Variants in ABCC1 observed in about 807,000 individuals in gnomAD.
The protein encoded by ABCC1 is multidrug resistance-associated protein 1.
A neutral mutation model predicts 172.9 loss-of-function variants in ABCC1; 83 were observed. That is an observed-to-expected ratio of 0.48 (90% CI 0.40 to 0.58). The LOEUF (loss-of-function observed/expected upper bound fraction) is 0.58. ABCC1 is among the 20% of genes least tolerant of loss of function. The pLI, the probability that ABCC1 is intolerant of heterozygous loss-of-function variation, is 0.00. For synonymous variants in ABCC1, 937 were observed against 825.2 expected (o/e 1.14, Z -2.32); for missense variants, 1,817 against 2,002.7 (o/e 0.91, Z 1.77).
chr16:16,105,968 T>A (rs1165428397), intron 20 of ABCC1, among the ~76,000 whole-genome samples: 1 of 151,200 alleles, frequency 6.6e-6, no homozygotes, highest in Non-Finnish European at 1.5e-5. Flanking sequence ...TTTCTGCCTC[T>A]GGGATTCAAG....
chr16:15,960,248 T>C (rs1209397608), intron 1 of ABCC1, among the ~76,000 whole-genome samples: 3 of 151,412 alleles, frequency 2.0e-5, no homozygotes, highest in Non-Finnish European at 4.4e-5. Flanking sequence ...ACCCGGCTAA[T>C]TTTTGTATTT....
chr16:16,122,531 C>T (rs1339366032), intron 24 of ABCC1, among the ~76,000 whole-genome samples: 1 of 152,010 alleles, frequency 6.6e-6, no homozygotes, highest in Non-Finnish European at 1.5e-5. Flanking sequence ...ATCATGCACC[C>T]CTGGGTGATG....
At chr16:16,026,197 C>T (rs919193454) in intron 5 of ABCC1, among the ~76,000 whole-genome samples, 3 of 151,778 alleles carry the variant, frequency 2.0e-5, no homozygotes, top group Non-Finnish European at 4.4e-5. Context: ...TTTGGGAGGC[C>T]GAGGTGGGTG....
At chr16:16,010,051 TTTTTTTTTTA>T in intron 3 of ABCC1, 150 bp downstream of exon 3, 6 of 652,070 alleles carry the variant, frequency 9.2e-6, no homozygotes, top group African/African-American at 6.5e-5. Context: ...TTTTTTTTTT[TTTTTTTTTTA>T]AAGACATGAG....
chr16:16,018,691 G>A (rs2048089119), intron 5 of ABCC1, among the ~76,000 whole-genome samples: 5 of 152,006 alleles, frequency 3.3e-5, no homozygotes, highest in Admixed American at 2.0e-4. Flanking sequence ...CTGTGTGTAC[G>A]TGTGCATGTG....
intron 12 of ABCC1, among the ~76,000 whole-genome samples, chr16:16,061,144 C>G (rs944652713): frequency 2.0e-5 from 3 of 152,176 alleles, no homozygotes; most frequent in Admixed American, 6.5e-5. Context: ...AGGCTGGTCT[C>G]AAACTCCTGG....
intron 26 of ABCC1, among the ~76,000 whole-genome samples, chr16:16,130,440 T>G (rs2045628137): frequency 6.6e-6 from 1 of 152,240 alleles, no homozygotes; most frequent in Non-Finnish European, 1.5e-5. Context: ...TTGTTTCTTT[T>G]TTACTCACTG....
At chr16:15,954,100 T>C (rs960954761) in intron 1 of ABCC1, among the ~76,000 whole-genome samples, 1 of 148,910 alleles carries the variant, frequency 6.7e-6, no homozygotes, top group Non-Finnish European at 1.5e-5. Context: ...CTCTGCCTGC[T>C]GCGTTCACAT....
Position 16,142,836 on chromosome 16 carries a change from C to CCCT in ABCC1, c.*1556_*1557insCTC, listed in dbSNP as rs1368502632. The CCCT allele has an allele frequency of 6.6e-6, 1 of 152,542 alleles. No individual in the cohort carries two copies. Among genetic ancestry groups the CCCT allele is most frequent in the Non-Finnish European group, 1.5e-5 (1 of 68,030 alleles). 9.4% of individuals were successfully genotyped at this position (152,542 alleles called of 1,614,324 possible). A position where few individuals can be genotyped will look rare whatever the true frequency, so the allele number is the denominator to read the frequency against. On this transcript the variant is annotated 3_prime_UTR_variant, in exon 31 of 31. Transcript: ENST00000399410. Reference sequence around the variant, plus strand: ...GCCCAAAGTGGAATCCGGAAGGCAGCCAGAGCTGAGGCTGCCCCAAGACTC... The same window carrying CCCT: ...GCCCAAAGTGGAATCCGGAAGGCAGCCCTCAGAGCTGAGGCTGCCCCAAGACTC...
chr16:16,033,079 C>T (rs756282829), intron 5 of ABCC1, 30 bp from the exon 6 acceptor site: 13 of 1,608,382 alleles, frequency 8.1e-6, no homozygotes. Context: ...TTTCCCTCTT[C>T]CTCCCAAACC....
At chr16:16,004,149 CTG>C (rs939516133) in intron 1 of ABCC1, among the ~76,000 whole-genome samples, 11 of 150,910 alleles carry the variant, frequency 7.3e-5, no homozygotes, top group African/African-American at 2.4e-4. Flanking sequence ...GGAACACTGA[CTG>C]TGGTGGGGAG....
rs35420214 is a variant in ABCC1 at position 16,013,270 on chromosome 16, G to GTT, written c.352-1208_352-1207dup. 8.8e-3 allele frequency among the ~76,000 whole-genome samples: 1,281 copies of GTT among 145,640 alleles called. 11 individuals are homozygous for GTT. The highest frequency in any genetic ancestry group is 0.014 in the Middle Eastern group (4 of 280). On this transcript the variant is annotated intron_variant, in intron 3 of 30. Transcript: ENST00000399410. ...ATGGGACAGGATGCAGCCAGCACATGTTTTTTTTTTTTTTCTTTGAGATAG... is the reference window on the plus strand; with the variant it reads ...ATGGGACAGGATGCAGCCAGCACATGTTTTTTTTTTTTTTTTCTTTGAGATAG...
At chr16:16,116,351 G>A (rs920952713) in intron 23 of ABCC1, among the ~76,000 whole-genome samples, 1 of 152,048 alleles carries the variant, frequency 6.6e-6, no homozygotes, top group African/African-American at 2.4e-5. Flanking sequence ...TTATCTGCAG[G>A]CACACATTCT....
intron 1 of ABCC1, among the ~76,000 whole-genome samples, chr16:15,981,592 T>C (rs1395944239): frequency 6.6e-6 from 1 of 152,082 alleles, no homozygotes; most frequent in Non-Finnish European, 1.5e-5. Context: ...GTGTACCAAC[T>C]CCCTAGGCAG....
intron 1 of ABCC1, among the ~76,000 whole-genome samples, chr16:15,974,127 A>G: frequency 6.6e-6 from 1 of 152,226 alleles, no homozygotes; most frequent in Non-Finnish European, 1.5e-5. Flanking sequence ...CTAAAAGAAC[A>G]CTGTACCTTG....
In ABCC1 at chr16:16,043,762, C is replaced by G. The variant is rs572705613; in HGVS notation, c.810-688C>G. On this transcript the variant is annotated intron_variant, in intron 7 of 30. Coordinates refer to ENST00000399410, the MANE Select transcript of ABCC1 (RefSeq NM_004996.4). ...GATTACAGGCACCTGCCATCATGCC[C>G]GGCTAATTTTTGTATTTTTAGTAGA... Among the ~76,000 whole-genome samples the G allele has an allele frequency of 5.9e-5, 9 of 152,096 alleles. No homozygotes were observed. In the South Asian group the frequency reaches 1.2e-3, roughly 21 times the overall value.
At chr16:16,048,387 G>A in intron 10 of ABCC1, 84 bp downstream of exon 10, 3 of 1,506,116 alleles carry the variant, frequency 2.0e-6, no homozygotes, top group East Asian at 2.3e-5. Flanking sequence ...GGTGTTGATG[G>A]TAATGGCATG....
chr16:16,092,128 C>T (rs1269506087), intron 19 of ABCC1, among the ~76,000 whole-genome samples: 1 of 152,204 alleles, frequency 6.6e-6, no homozygotes, highest in Admixed American at 6.5e-5. Flanking sequence ...GGCCCAGCTA[C>T]TGGGGAGGCT....
intron 5 of ABCC1, among the ~76,000 whole-genome samples, chr16:16,025,506 C>A (rs956114273): frequency 6.6e-6 from 1 of 152,204 alleles, no homozygotes; most frequent in Admixed American, 6.5e-5. Flanking sequence ...TGCTGCTGCA[C>A]GCATTGCCTC....
Sources: allele counts gnomAD v4.1 joint callset (sites outside exome capture counted in the v4.1 genomes callset), GRCh38; gene constraint gnomAD v4.1.1; transcripts MANE v1.5; gene names NCBI Gene and HGNC (gene_info 2026-07-23, HGNC 2026-07-21).